ARHGEF7: variants seen among roughly 807,000 people sequenced by gnomAD.
The protein encoded by ARHGEF7 is Rho guanine nucleotide exchange factor 7, also known as PAK-interacting exchange factor beta.
ARHGEF7 carries 33 observed loss-of-function variants against 109.8 expected under a neutral mutation model. The ratio of observed to expected loss-of-function variants is 0.30; its 90% CI spans 0.23 to 0.40. The LOEUF (loss-of-function observed/expected upper bound fraction) is 0.40. Ranked by LOEUF, ARHGEF7 falls within the 10% of genes least tolerant of loss-of-function variation. The pLI, the probability that ARHGEF7 is intolerant of heterozygous loss-of-function variation, is 1.00. For missense variants in ARHGEF7, 938 were observed against 1,098.5 expected, an observed-to-expected ratio of 0.85 and a Z score of 2.07; for synonymous variants, 458 against 424.6, an observed-to-expected ratio of 1.08 and a Z score of -0.97.
intron 5 of ARHGEF7, among the ~76,000 whole-genome samples, chr13:111,232,680 G>A (rs2086258604): frequency 1.3e-5 from 2 of 152,100 alleles, no homozygotes; most frequent in Admixed American, 1.3e-4. Flanking sequence ...GGTTTTTCTT[G>A]TTTTTGCCCC....
chr13:111,164,176 C>T (rs924724587), intron 2 of ARHGEF7, among the ~76,000 whole-genome samples: 3 of 152,164 alleles, frequency 2.0e-5, no homozygotes, highest in Non-Finnish European at 4.4e-5. Flanking sequence ...TGAAACCTCA[C>T]GATGCCCTGC....
chr13:111,288,385 T>A lies in ARHGEF7; in HGVS notation c.2076T>A (p.Ile692=). ...CTGCTTTGGAAGAAGATGCTCAGAT[T>A]CTGAAAGTCATTGAAGCTTACTGCA... ...STAALEEDAQ[I]LKVIEAYCTS... Residue 692 remains isoleucine (I), a synonymous_variant, in exon 18 of 22, where the codon ATT becomes ATA. Transcript: ENST00000646102. 6.2e-7 allele frequency: 1 copy of A among 1,613,642 alleles called. No individual in the cohort carries two copies. The highest frequency in any genetic ancestry group is 8.5e-7 in the Non-Finnish European group (1 of 1,179,612).
chr13:111,208,071 G>A (rs1411255812), intron 3 of ARHGEF7, among the ~76,000 whole-genome samples: 7 of 152,270 alleles, frequency 4.6e-5, no homozygotes, highest in Non-Finnish European at 1.0e-4. Context: ...ACAGAGTTTC[G>A]TTCTTGTTGC....
At chr13:111,279,080 A>G (rs2153604359) in intron 13 of ARHGEF7, among the ~76,000 whole-genome samples, 1 of 152,328 alleles carries the variant, frequency 6.6e-6, no homozygotes, top group Admixed American at 6.5e-5. Context: ...TGTTCTATAC[A>G]CCGATGTTCA....
chr13:111,135,280 C>T (rs535715404), intron 1 of ARHGEF7, among the ~76,000 whole-genome samples: 116 of 152,106 alleles, frequency 7.6e-4, no homozygotes, highest in African/African-American at 2.5e-3. Context: ...CTTGGCAATG[C>T]GGGCTCTTTT....
At chr13:111,200,685 C>A (rs781241190) in intron 2 of ARHGEF7, among the ~76,000 whole-genome samples, 1 of 152,216 alleles carries the variant, frequency 6.6e-6, no homozygotes, top group African/African-American at 2.4e-5. Flanking sequence ...GTCTGTCATA[C>A]ATGACAAGGT....
At chr13:111,181,381 A>T (rs115112330) in intron 2 of ARHGEF7, among the ~76,000 whole-genome samples, 2,173 of 152,286 alleles carry the variant, frequency 0.014, 48 homozygotes, top group African/African-American at 0.049. Flanking sequence ...TTGGAATCTT[A>T]GTTTAGAACT....
rs2079387786 is a variant in ARHGEF7 at position 111,187,482 on chromosome 13, G to T, written c.253-17807G>T. ...TCTTGCCATTCCTGACTTGTTTGTT[G>T]TGCGAACCAATAATTTCCTTTTTTT... On this transcript the variant is annotated intron_variant, in intron 2 of 21. Coordinates refer to ENST00000646102, the MANE Select transcript of ARHGEF7 (RefSeq NM_001354046.2). 3.9e-5 allele frequency among the ~76,000 whole-genome samples: 6 copies of T among 152,312 alleles called. No individual in the cohort carries two copies. The South Asian group carries it at 1.2e-3, about 32-fold the overall frequency.
chr13:111,188,620 C>T (rs1002651000), intron 2 of ARHGEF7, among the ~76,000 whole-genome samples: 4 of 152,000 alleles, frequency 2.6e-5, no homozygotes, highest in African/African-American at 7.3e-5. Context: ...AAACAGCAGC[C>T]GTTAGCAGTT....
chr13:111,134,030 A>G (rs1258437957), intron 1 of ARHGEF7, among the ~76,000 whole-genome samples: 1 of 148,212 alleles, frequency 6.7e-6, no homozygotes, highest in Non-Finnish European at 1.5e-5. Flanking sequence ...TCAGTGAGTG[A>G]GAACATGCGG....
rs183437662 is a variant in ARHGEF7 at position 111,254,173 on chromosome 13, T to C, written c.950+9879T>C. ...AATATGTTGTACATTTTCTGTAAGA[T>C]GATAGTGAAAACAGTACATCAAGAG... is the stretch of plus-strand genomic sequence containing the variant. On this transcript the variant is annotated intron_variant, in intron 8 of 21. Transcript: ENST00000646102. Among the ~76,000 whole-genome samples the C allele has an allele frequency of 2.0e-5, 3 of 152,376 alleles. No homozygotes were observed. In the East Asian group the frequency reaches 5.8e-4, roughly 29 times the overall value.
Position 111,130,868 on chromosome 13 carries a change from A to G in ARHGEF7, c.165+15177A>G, listed in dbSNP as rs1045941999. Among the ~76,000 whole-genome samples the G allele has an allele frequency of 2.6e-5, 4 of 152,156 alleles. No individual in the cohort carries two copies. In the South Asian group the frequency reaches 8.3e-4, roughly 31 times the overall value. ...GCATAGCTGTCGTAAGAGGAGGGGC[A>G]TGCACCCCTACACAGAGGGGCCCTT... On this transcript the variant is annotated intron_variant, in intron 1 of 21. Coordinates refer to ENST00000646102, the MANE Select transcript of ARHGEF7 (RefSeq NM_001354046.2).
chr13:111,291,345 C>G (rs1265374930), intron 18 of ARHGEF7, among the ~76,000 whole-genome samples: 2 of 152,260 alleles, frequency 1.3e-5, no homozygotes, highest in Admixed American at 1.3e-4. Flanking sequence ...AACACTGGGA[C>G]GTTGCCAGTT....
chr13:111,180,771 GAC>G (rs1191772155), intron 2 of ARHGEF7, among the ~76,000 whole-genome samples: 1 of 152,246 alleles, frequency 6.6e-6, no homozygotes, highest in Non-Finnish European at 1.5e-5. Flanking sequence ...GAAGATTATA[GAC>G]ACCTGGAAAT....
At chr13:111,189,587 A>C (rs1007951286) in intron 2 of ARHGEF7, among the ~76,000 whole-genome samples, 1 of 152,194 alleles carries the variant, frequency 6.6e-6, no homozygotes, top group Non-Finnish European at 1.5e-5. Flanking sequence ...ATTTATTGTG[A>C]AGAGCGAAAG....
intron 3 of ARHGEF7, among the ~76,000 whole-genome samples, chr13:111,206,732 C>T (rs983818041): frequency 1.3e-4 from 19 of 151,846 alleles, no homozygotes; most frequent in Non-Finnish European, 1.8e-4. Flanking sequence ...GAGGCCGAGG[C>T]GGGCGGATCA....
At chr13:111,139,788 G>A (rs1283091530) in intron 1 of ARHGEF7, among the ~76,000 whole-genome samples, 1 of 152,254 alleles carries the variant, frequency 6.6e-6, no homozygotes, top group Non-Finnish European at 1.5e-5. Flanking sequence ...CATGCACAGA[G>A]GAAACTGAGC....
At chr13:111,265,948 G>A (rs1474777185) in intron 8 of ARHGEF7, among the ~76,000 whole-genome samples, 1 of 152,232 alleles carries the variant, frequency 6.6e-6, no homozygotes, top group African/African-American at 2.4e-5. Context: ...GCGGACTGAG[G>A]CCGTGTGCTT....
intron 2 of ARHGEF7, among the ~76,000 whole-genome samples, chr13:111,159,857 A>T (rs2076615470): frequency 1.3e-5 from 2 of 152,026 alleles, no homozygotes; most frequent in South Asian, 4.1e-4. Context: ...TTTCAGTTTG[A>T]TGAAATCCCA....
Sources: gnomAD v4.1 joint callset for allele counts (sites outside exome capture counted in the v4.1 genomes callset) on GRCh38, gnomAD v4.1.1 for gene constraint, MANE v1.5 for transcripts, NCBI Gene and HGNC (gene_info 2026-07-23, HGNC 2026-07-21) for gene names.